Variants in SGK3 observed in about 807,000 individuals in gnomAD.
The protein encoded by SGK3 is serine/threonine-protein kinase Sgk3.
A neutral mutation model predicts 68.5 loss-of-function variants in SGK3; 47 were observed. That is an observed-to-expected ratio of 0.69 (90% CI 0.54 to 0.87). SGK3 has a LOEUF of 0.87. SGK3 is among the 40% of genes least tolerant of loss of function. SGK3 has a pLI of 0.00. For missense variants in SGK3, 479 were observed against 575.5 expected (o/e 0.83, Z 1.72); for synonymous variants, 181 against 189.1 (o/e 0.96, Z 0.35).
intron 4 of SGK3, among the ~76,000 whole-genome samples, chr8:66,810,275 G>GA (rs549049097): frequency 0.016 from 2,032 of 127,532 alleles, 46 homozygotes; most frequent in South Asian, 0.054. Context: ...AAATATTCCA[G>GA]AAAAAAAAAA....
intron 1 of SGK3, among the ~76,000 whole-genome samples, chr8:66,779,603 A>ATAT (rs1563623107): frequency 2.5e-5 from 3 of 122,296 alleles, no homozygotes; most frequent in South Asian, 2.8e-4. Context: ...TATATATATA[A>ATAT]AACACATTTT....
Position 66,726,560 on chromosome 8 carries a change from A to G in SGK3, c.-122+13727A>G, listed in dbSNP as rs187434987. On this transcript the variant is annotated intron_variant, in intron 1 of 16. Coordinates refer to ENST00000521198, the MANE Select transcript of SGK3 (RefSeq NM_001033578.3). ...TGAAATCATATTAATGTTTTAATCT[A>G]GAAACTTGTGCCAGATTTCAAGAAG... 2.9e-3 allele frequency among the ~76,000 whole-genome samples: 445 copies of G among 152,308 alleles called. 3 individuals are homozygous for G. The highest frequency in any genetic ancestry group is 0.01 in the African/African-American group (433 of 41,548).
intron 1 of SGK3, among the ~76,000 whole-genome samples, chr8:66,728,993 G>A (rs1169146621): frequency 6.6e-6 from 1 of 152,028 alleles, no homozygotes; most frequent in Non-Finnish European, 1.5e-5. Flanking sequence ...GCTGAGGCGG[G>A]CGGATCACAA....
At chr8:66,756,825 A>C (rs1412707526) in intron 1 of SGK3, among the ~76,000 whole-genome samples, 1 of 151,296 alleles carries the variant, frequency 6.6e-6, no homozygotes, top group African/African-American at 2.4e-5. Flanking sequence ...TCCTAAGCTC[A>C]AGCAGTCTGC....
rs369618696 is a variant in SGK3, at chr8:66,859,537, G to A, written c.1447G>A (p.Val483Ile). ...ASVLEADDAFVGFSYAPPSED... is the reference protein window; with the variant it reads ...ASVLEADDAFIGFSYAPPSED... ...TGTATTGGAGGCAGATGATGCATTCGTTGGTTTCTCTTATGCACCTCCTTC... is the reference window on the plus strand; with the variant it reads ...TGTATTGGAGGCAGATGATGCATTCATTGGTTTCTCTTATGCACCTCCTTC... Residue 483 changes from valine (V) to isoleucine (I), a missense_variant, in exon 17 of 17, where the codon GTT becomes ATT. By Grantham distance (29) the Val-to-Ile change is conservative (BLOSUM62 3). This residue lies in a region of SGK3 where 173 missense variants were observed against 214.3 expected (regional missense o/e 0.81). Coordinates refer to ENST00000521198, the MANE Select transcript of SGK3 (RefSeq NM_001033578.3). The A allele has an allele frequency of 8.1e-6, 13 of 1,613,126 alleles. No individual in the cohort carries two copies. The highest frequency in any genetic ancestry group is 3.3e-5 in the South Asian group (3 of 90,986).
intron 12 of SGK3, 72 bp from the exon 13 acceptor site, chr8:66,840,952 A>AG (rs1387795412): frequency 1.2e-5 from 15 of 1,274,160 alleles, no homozygotes; most frequent in Non-Finnish European, 1.6e-5. Context: ...AAAAAAAAAA[A>AG]AAAAAATTAA....
intron 1 of SGK3, among the ~76,000 whole-genome samples, chr8:66,777,295 T>C (rs1344579680): frequency 1.3e-5 from 2 of 152,344 alleles, no homozygotes; most frequent in African/African-American, 2.4e-5. Context: ...TTGTCTGACA[T>C]GAGAGCGTAA....
At chr8:66,857,716 G>A (rs553196726) in intron 16 of SGK3, among the ~76,000 whole-genome samples, 87 of 152,130 alleles carry the variant, frequency 5.7e-4, no homozygotes, top group African/African-American at 2.0e-3. Flanking sequence ...CCAGGAGGTC[G>A]AAGCTGCAGT....
chr8:66,731,299 G>T (rs914784153), intron 1 of SGK3, among the ~76,000 whole-genome samples: 1 of 152,060 alleles, frequency 6.6e-6, no homozygotes, highest in Non-Finnish European at 1.5e-5. Flanking sequence ...GGTTTAGTTG[G>T]TTTATAGTGT....
chr8:66,795,084 G>A (rs1367598764), intron 2 of SGK3, among the ~76,000 whole-genome samples: 2 of 152,174 alleles, frequency 1.3e-5, no homozygotes, highest in East Asian at 3.8e-4. Flanking sequence ...GGGTTACCTG[G>A]TCACTGCCAG....
rs552609705 is a variant in SGK3, at chr8:66,764,032, C to T, written c.-121-29584C>T. The stretch of plus-strand genomic sequence containing the variant: ...AACTACAGGCATGTGCCACCACACC[C>T]GGCTAATTTTTATAGAGACAGGATT... On this transcript the variant is annotated intron_variant, in intron 1 of 16. Coordinates refer to ENST00000521198, the MANE Select transcript of SGK3 (RefSeq NM_001033578.3). 1.6e-3 allele frequency among the ~76,000 whole-genome samples: 240 copies of T among 152,028 alleles called. 3 individuals carry two copies. The highest frequency in any genetic ancestry group is 2.8e-3 in the Non-Finnish European group (193 of 67,970).
intron 15 of SGK3, among the ~76,000 whole-genome samples, chr8:66,849,443 A>G (rs947138493): frequency 2.0e-5 from 3 of 151,976 alleles, no homozygotes; most frequent in African/African-American, 4.8e-5. Flanking sequence ...AATCTTTCCC[A>G]TATCCAGACA....
intron 6 of SGK3, among the ~76,000 whole-genome samples, chr8:66,826,725 A>T (rs1585775766): frequency 6.6e-6 from 1 of 151,998 alleles, no homozygotes; most frequent in Non-Finnish European, 1.5e-5. Flanking sequence ...GCTCACTGCA[A>T]CCTCTGCCTC....
At chr8:66,822,259 C>T (rs565555438) in intron 5 of SGK3, 113 bp from the exon 6 acceptor site, 2 of 905,386 alleles carry the variant, frequency 2.2e-6, no homozygotes, top group South Asian at 2.9e-5. Flanking sequence ...TTCTGTTTTA[C>T]TTTCTTACTG....
At chr8:66,793,867 T>A (rs1208280473) in intron 2 of SGK3, 35 bp downstream of exon 2, 6 of 1,595,570 alleles carry the variant, frequency 3.8e-6, no homozygotes, top group African/African-American at 1.4e-5. Context: ...GGGAAAAAAG[T>A]TGAATGTAGA....
intron 1 of SGK3, among the ~76,000 whole-genome samples, chr8:66,740,492 A>C (rs957550436): frequency 5.9e-5 from 9 of 152,206 alleles, no homozygotes; most frequent in African/African-American, 2.2e-4. Context: ...AGTGCAGTTC[A>C]TGGAACATAG....
At chr8:66,731,515 C>CATTT (rs1289743588) in intron 1 of SGK3, among the ~76,000 whole-genome samples, 5 of 151,964 alleles carry the variant, frequency 3.3e-5, no homozygotes, top group African/African-American at 7.2e-5. Context: ...TGGATATTAA[C>CATTT]ATTTATTTAT....
At chr8:66,781,490 A>ATTCT (rs1806978349) in intron 1 of SGK3, among the ~76,000 whole-genome samples, 1 of 152,146 alleles carries the variant, frequency 6.6e-6, no homozygotes, top group African/African-American at 2.4e-5. Context: ...TTGAGATTAG[A>ATTCT]AGCATGAGCC....
At chr8:66,788,184 T>C (rs1348915589) in intron 1 of SGK3, among the ~76,000 whole-genome samples, 1 of 152,238 alleles carries the variant, frequency 6.6e-6, no homozygotes, top group Non-Finnish European at 1.5e-5. Flanking sequence ...TCTGGGCTGT[T>C]AATCCCTGCA....
Sources: gnomAD v4.1 joint callset for allele counts (sites outside exome capture counted in the v4.1 genomes callset) on GRCh38, gnomAD v4.1.1 for gene constraint, gnomAD v4.1.1 regional missense constraint, MANE v1.5 for transcripts, NCBI Gene and HGNC (gene_info 2026-07-23, HGNC 2026-07-21) for gene names.